Variants in TJP2 observed in about 807,000 individuals in gnomAD.
TJP2 encodes tight junction protein 2, also known as Friedreich ataxia region gene X104 (tight junction protein ZO-2).
A neutral mutation model predicts 133.1 loss-of-function variants in TJP2; 91 were observed. That is an observed-to-expected ratio of 0.68 (90% confidence interval 0.58 to 0.81). TJP2 has a LOEUF of 0.81. Ranked by LOEUF, TJP2 falls within the 40% of genes least tolerant of loss-of-function variation. TJP2 has a pLI of 0.00. For missense variants in TJP2, 1,541 were observed against 1,565.6 expected, an observed-to-expected ratio of 0.98 and a Z score of 0.26; for synonymous variants, 592 against 583.4, an observed-to-expected ratio of 1.01 and a Z score of -0.21.
chr9:69,232,049 C>T (rs1829824629), intron 11 of TJP2, among the ~76,000 whole-genome samples: 1 of 152,138 alleles, frequency 6.6e-6, no homozygotes, highest in Non-Finnish European at 1.5e-5. Context: ...GCAGTCAGAC[C>T]TCTCTGTAAG....
chr9:69,249,840 A>G (rs1831202024), intron 20 of TJP2: 2 of 781,310 alleles, frequency 2.6e-6, no homozygotes, highest in Non-Finnish European at 3.1e-6. Context: ...GTCCAGCTAA[A>G]GTTTTCTGCC....
chr9:69,150,334 G>A (rs568387974), intron 1 of TJP2, among the ~76,000 whole-genome samples: 5 of 139,170 alleles, frequency 3.6e-5, no homozygotes, highest in East Asian at 2.1e-4. Flanking sequence ...CACTCTTGTC[G>A]CCAGGCTGGA....
chr9:69,250,897 T>C, intron 20 of TJP2, 138 bp from the exon 21 acceptor site: 2 of 937,164 alleles, frequency 2.1e-6, no homozygotes, highest in South Asian at 2.7e-5. Context: ...TGCCCTGCTG[T>C]ATTACATTCC....
chr9:69,128,662 A>G (rs1417344734), intron 1 of TJP2, among the ~76,000 whole-genome samples: 1 of 151,846 alleles, frequency 6.6e-6, no homozygotes, highest in Admixed American at 6.6e-5. Context: ...AGCTGGGACT[A>G]CAGGCGCCCA....
At chr9:69,242,156 T>C (rs1830621354) in intron 17 of TJP2, among the ~76,000 whole-genome samples, 1 of 152,186 alleles carries the variant, frequency 6.6e-6, no homozygotes, top group Admixed American at 6.5e-5. Context: ...AGCCAGTGAC[T>C]GTGGGGCTCT....
chr9:69,186,998 G>A (rs1045077770), intron 1 of TJP2, among the ~76,000 whole-genome samples: 28 of 152,050 alleles, frequency 1.8e-4, no homozygotes, highest in African/African-American at 6.5e-4. Context: ...ACAGGACTGG[G>A]CTAAAAATAA....
At chr9:69,244,224 G>T (rs1388265294) in intron 17 of TJP2, among the ~76,000 whole-genome samples, 1 of 151,394 alleles carries the variant, frequency 6.6e-6, no homozygotes, top group East Asian at 1.9e-4. Flanking sequence ...AATTCAGTGG[G>T]CTTTAGTATA....
intron 1 of TJP2, among the ~76,000 whole-genome samples, chr9:69,132,168 A>AG (rs1822523874): frequency 6.6e-6 from 1 of 152,186 alleles, no homozygotes; most frequent in African/African-American, 2.4e-5. Context: ...GGGGATTGTT[A>AG]CACTGGTGTC....
intron 1 of TJP2, among the ~76,000 whole-genome samples, chr9:69,206,990 C>G (rs965759366): frequency 6.6e-6 from 1 of 152,216 alleles, no homozygotes; most frequent in Non-Finnish European, 1.5e-5. Context: ...CACATATCTG[C>G]AGACCATCAC....
Position 69,248,152 on chromosome 9 carries a change from G to A in TJP2, c.2808G>A (p.Glu936=). 6.2e-7 allele frequency: 1 copy of A among 1,613,974 alleles called. No homozygotes were observed. Among genetic ancestry groups the A allele is most frequent in the Non-Finnish European group, 8.5e-7 (1 of 1,179,966 alleles). Residue 936 remains glutamate (E), a synonymous_variant, in exon 19 of 23, where the codon GAG becomes GAA. Coordinates refer to ENST00000377245, the MANE Select transcript of TJP2 (RefSeq NM_004817.4). The stretch of plus-strand genomic sequence containing the variant: ...AAGGAGGCGCCTACACTGACAATGA[G>A]CTGGATGAGCCAGCCGAGGAGCCGC... ...DGEGGAYTDN[E]LDEPAEEPLV... is the part of the protein sequence containing the mutation.
At chr9:69,146,501 G>A (rs1823216853) in intron 1 of TJP2, among the ~76,000 whole-genome samples, 1 of 152,158 alleles carries the variant, frequency 6.6e-6, no homozygotes, top group African/African-American at 2.4e-5. Context: ...TTGCATCTGT[G>A]TAGCAAATAT....
intron 2 of TJP2, among the ~76,000 whole-genome samples, chr9:69,160,511 A>G (rs1236596155): frequency 1.3e-5 from 2 of 152,226 alleles, no homozygotes; most frequent in Non-Finnish European, 2.9e-5. Context: ...AGCTGGATGT[A>G]GTCCTGGCCT....
chr9:69,234,398 C>CTTTCTTTCTTTCTTTTTTTTTT, intron 11 of TJP2, 41 bp from the exon 12 acceptor site: 1 of 982,288 alleles, frequency 1.0e-6, no homozygotes, highest in South Asian at 1.6e-5. Flanking sequence ...TTCTTTCTTT[C>CTTTCTTTCTTTCTTTTTTTTTT]TTTTTTTTTT....
Position 69,221,376 on chromosome 9 carries a change from C to G in TJP2, c.832C>G (p.Arg278Gly). The part of the protein sequence containing the change: ...EYRRGARHDA[R>G]SRGPRSRSRE... The stretch of plus-strand genomic sequence containing the variant: ...CAGGCGCGGGGCCCGCCACGATGCC[C>G]GCTCTCGGGGACCCCGAAGCCGCAG... The change falls in exon 5 of 23, where the codon CGC becomes GGC. Residue 278 changes from arginine (R) to glycine (G), a missense_variant. Arg to Gly is a moderately radical substitution (Grantham distance 125). Coordinates refer to ENST00000377245, the MANE Select transcript of TJP2 (RefSeq NM_004817.4). 2 of 1,583,528 alleles carry G rather than the reference C, an allele frequency of 1.3e-6. No homozygotes were observed. The highest frequency in any genetic ancestry group is 1.3e-5 in the African/African-American group (1 of 74,396).
intron 7 of TJP2, 61 bp downstream of exon 7, chr9:69,226,236 C>T (rs767434595): frequency 1.0e-5 from 16 of 1,578,164 alleles, no homozygotes; most frequent in African/African-American, 6.7e-5. Context: ...CTTCCCCATT[C>T]TTCTATTTAG....
intron 1 of TJP2, among the ~76,000 whole-genome samples, chr9:69,151,480 CAAA>C (rs141276955): frequency 2.4e-5 from 3 of 126,262 alleles, no homozygotes; most frequent in Non-Finnish European, 3.4e-5. Flanking sequence ...AACTCCGTCT[CAAA>C]AAAAAAAAAA....
Position 69,236,247 on chromosome 9 carries a change from G to T in TJP2, c.1991+9G>T, listed in dbSNP as rs749581699. 1 of 1,613,404 alleles carries T rather than the reference G, an allele frequency of 6.2e-7. No homozygotes were observed. Among genetic ancestry groups the T allele is most frequent in the Non-Finnish European group, 8.5e-7 (1 of 1,179,952 alleles). On this transcript the variant is annotated intron_variant, in intron 13 of 22. Coordinates refer to ENST00000377245, the MANE Select transcript of TJP2 (RefSeq NM_004817.4). ...ATCCCCAACAAGAGCAGGTAACAGAGATCGCATTCTCACATACCCCTTTTA... is the reference window on the plus strand; with the variant it reads ...ATCCCCAACAAGAGCAGGTAACAGATATCGCATTCTCACATACCCCTTTTA...
intron 17 of TJP2, among the ~76,000 whole-genome samples, chr9:69,242,078 T>TA (rs1830613813): frequency 6.6e-6 from 1 of 152,186 alleles, no homozygotes; most frequent in Non-Finnish European, 1.5e-5. Context: ...GGAAGGGAAT[T>TA]ACAGTGCATT....
At chr9:69,133,971 CTCTT>C (rs1040192222) in intron 1 of TJP2, among the ~76,000 whole-genome samples, 3 of 151,136 alleles carry the variant, frequency 2.0e-5, no homozygotes, top group African/African-American at 7.3e-5. Flanking sequence ...TCTCTTTTCT[CTCTT>C]TCTCTTTCCC....
Sources: gnomAD v4.1 joint callset for allele counts (sites outside exome capture counted in the v4.1 genomes callset) on GRCh38, gnomAD v4.1.1 for gene constraint, MANE v1.5 for transcripts, NCBI Gene and HGNC (gene_info 2026-07-23, HGNC 2026-07-21) for gene names.